The following CCDC73 variants were observed in gnomAD, a reference collection of about 807,000 sequenced individuals.
CCDC73 encodes the protein coiled-coil domain-containing protein 73.
CCDC73 carries 95 observed loss-of-function variants against 116.5 expected under a neutral mutation model. That is an observed-to-expected ratio of 0.82 (90% CI 0.69 to 0.97). The LOEUF (loss-of-function observed/expected upper bound fraction) is 0.97. CCDC73 is among the 50% of genes least tolerant of loss of function. The probability of loss-of-function intolerance (pLI) is 0.00; values close to 1 mark genes in which losing one functional copy is unlikely to be tolerated. For synonymous variants in CCDC73, 398 were observed against 401.3 expected, an observed-to-expected ratio of 0.99 and a Z score of 0.10; for missense variants, 1,066 against 1,206.8, an observed-to-expected ratio of 0.88 and a Z score of 1.73.
chr11:32,791,824 G>T (rs745843131), intron 1 of CCDC73, among the ~76,000 whole-genome samples: 8 of 152,138 alleles, frequency 5.3e-5, no homozygotes, highest in East Asian at 1.9e-4. Flanking sequence ...AAAGTATCCA[G>T]TTGCGGTAGT....
At chr11:32,606,806 C>CTTTTT (rs10591021) in intron 17 of CCDC73, among the ~76,000 whole-genome samples, 5 of 101,062 alleles carry the variant, frequency 4.9e-5, no homozygotes, top group South Asian at 3.4e-4. Context: ...AAAATAAATT[C>CTTTTT]TTTTTTTTTT....
Position 32,769,373 on chromosome 11 carries a change from C to T in CCDC73, c.-15-9115G>A, listed in dbSNP as rs149861543. Among the ~76,000 whole-genome samples, 11 of 152,220 alleles carry T rather than the reference C, an allele frequency of 7.2e-5. No homozygotes were observed. The East Asian group carries it at 1.4e-3, about 19-fold the overall frequency. ...TCTGAAAAGTCTGTTTCTAGGGATTCGCTGTCCACTGTGGTACAAGGACAA... is the reference window on the plus strand; with the variant it reads ...TCTGAAAAGTCTGTTTCTAGGGATTTGCTGTCCACTGTGGTACAAGGACAA... On this transcript the variant is annotated intron_variant, in intron 1 of 17. Transcript: ENST00000335185.
intron 9 of CCDC73, among the ~76,000 whole-genome samples, chr11:32,659,060 C>T (rs1855899038): frequency 6.6e-6 from 1 of 152,134 alleles, no homozygotes. Context: ...AAGCCTGAAC[C>T]ATAGGTTAAC....
At chr11:32,702,702 C>A (rs981697244) in intron 4 of CCDC73, among the ~76,000 whole-genome samples, 171 bp downstream of exon 4, 1 of 152,166 alleles carries the variant, frequency 6.6e-6, no homozygotes, top group African/African-American at 2.4e-5. Context: ...ACTTTACATT[C>A]TATTGTCAGT....
chr11:32,789,698 G>C (rs1016524674), intron 1 of CCDC73, among the ~76,000 whole-genome samples: 3 of 152,130 alleles, frequency 2.0e-5, no homozygotes, highest in Non-Finnish European at 4.4e-5. Flanking sequence ...ACTTGAGCCA[G>C]GGAAGTCAAG....
At chr11:32,624,520 A>C (rs1459745928) in intron 14 of CCDC73, among the ~76,000 whole-genome samples, 2 of 152,170 alleles carry the variant, frequency 1.3e-5, no homozygotes, top group Non-Finnish European at 2.9e-5. Context: ...CACACAATGG[A>C]AATTGTGATG....
At chr11:32,674,760 T>A (rs1303758223) in intron 9 of CCDC73, among the ~76,000 whole-genome samples, 1 of 152,194 alleles carries the variant, frequency 6.6e-6, no homozygotes, top group East Asian at 1.9e-4. Flanking sequence ...CCAATGCCTA[T>A]GGTCAGAAGA....
At chr11:32,787,379 C>A (rs947002865) in intron 1 of CCDC73, among the ~76,000 whole-genome samples, 2 of 152,168 alleles carry the variant, frequency 1.3e-5, no homozygotes, top group African/African-American at 4.8e-5. Flanking sequence ...TATCATTTCA[C>A]ATAATAACAA....
intron 4 of CCDC73, among the ~76,000 whole-genome samples, chr11:32,701,210 T>C (rs1849807944): frequency 6.6e-6 from 1 of 152,168 alleles, no homozygotes; most frequent in Non-Finnish European, 1.5e-5. Flanking sequence ...TTTGAAAGTT[T>C]TGTTTTTTTC....
chr11:32,735,656 C>G (rs568830159), intron 2 of CCDC73, among the ~76,000 whole-genome samples: 10 of 152,324 alleles, frequency 6.6e-5, no homozygotes, highest in African/African-American at 1.9e-4. Context: ...TTGGAAAAAA[C>G]TACTTTAAAG....
intron 17 of CCDC73, among the ~76,000 whole-genome samples, chr11:32,607,401 A>G (rs1258702205): frequency 3.9e-5 from 6 of 152,188 alleles, no homozygotes; most frequent in African/African-American, 7.2e-5. Flanking sequence ...CCAAAAATAA[A>G]TTCTTAAAAG....
In CCDC73 at chr11:32,655,260, T is replaced by C. The variant is rs375276022; in HGVS notation, c.646-288A>G. The stretch of plus-strand genomic sequence containing the variant: ...GAAGTACAGTGTTTCCATTATTTAT[T>C]AAACAAATACCTTCTGAGATAAAAA... On this transcript the variant is annotated intron_variant, in intron 9 of 17. Coordinates refer to ENST00000335185, the MANE Select transcript of CCDC73 (RefSeq NM_001008391.4). Among the ~76,000 whole-genome samples, 18 of 152,196 alleles carry C rather than the reference T, an allele frequency of 1.2e-4. 1 individual carries two copies. Among genetic ancestry groups the C allele is most frequent in the Admixed American group, 8.5e-4 (13 of 15,274 alleles).
the CCDC73 span, among the ~76,000 whole-genome samples, chr11:32,816,949 A>C: frequency 1.3e-5 from 2 of 151,920 alleles, no homozygotes; most frequent in African/African-American, 2.4e-5. Flanking sequence ...ACGCCTGGCT[A>C]ATTTTACGTA....
chr11:32,700,286 T>C (rs1383845892), intron 5 of CCDC73, among the ~76,000 whole-genome samples: 1 of 152,192 alleles, frequency 6.6e-6, no homozygotes, highest in East Asian at 1.9e-4. Flanking sequence ...AAAAAATGTA[T>C]TAACTATTAA....
intron 9 of CCDC73, among the ~76,000 whole-genome samples, chr11:32,670,393 G>T (rs958628958): frequency 1.3e-5 from 2 of 152,014 alleles, no homozygotes; most frequent in Middle Eastern, 3.2e-3. Context: ...GTGGTGGCCG[G>T]TGCCTGTAGT....
At chr11:32,645,581 G>A (rs568078879) in intron 12 of CCDC73, among the ~76,000 whole-genome samples, 108 of 151,842 alleles carry the variant, frequency 7.1e-4, no homozygotes, top group African/African-American at 2.3e-3. Flanking sequence ...GAGCCACCAC[G>A]CCTGGCCAAC....
At chr11:32,815,480 C>T in the CCDC73 span, among the ~76,000 whole-genome samples, 4 of 152,044 alleles carry the variant, frequency 2.6e-5, no homozygotes, top group South Asian at 4.1e-4. Flanking sequence ...GATTTACAGG[C>T]GTGAGCCACT....
intron 9 of CCDC73, among the ~76,000 whole-genome samples, chr11:32,674,883 G>A (rs1856071686): frequency 6.6e-6 from 1 of 152,182 alleles, no homozygotes; most frequent in Non-Finnish European, 1.5e-5. Context: ...CTGAATCTCA[G>A]TAAGCAACAA....
chr11:32,660,260 T>C (rs1395277681), intron 9 of CCDC73, among the ~76,000 whole-genome samples: 1 of 137,168 alleles, frequency 7.3e-6, no homozygotes, highest in Non-Finnish European at 1.5e-5. Context: ...AAAAAACAGG[T>C]TGGATCCAGT....
Sources: allele counts gnomAD v4.1 joint callset (sites outside exome capture counted in the v4.1 genomes callset), GRCh38; gene constraint gnomAD v4.1.1; transcripts MANE v1.5; gene names NCBI Gene and HGNC (gene_info 2026-07-23, HGNC 2026-07-21).